NADSYN1: variants seen among roughly 807,000 people sequenced by gnomAD.
NADSYN1 encodes NAD synthetase 1.
A neutral mutation model predicts 99.3 loss-of-function variants in NADSYN1; 80 were observed. The ratio of observed to expected loss-of-function variants is 0.81; its 90% CI spans 0.67 to 0.97. The LOEUF (loss-of-function observed/expected upper bound fraction) is 0.97, where lower values mean the gene tolerates loss of function less well. Ranked by LOEUF, NADSYN1 falls within the 50% of genes least tolerant of loss-of-function variation. The probability of loss-of-function intolerance (pLI) is 0.00; values close to 1 mark genes in which losing one functional copy is unlikely to be tolerated. For missense variants in NADSYN1, 859 were observed against 948.5 expected (o/e 0.91, Z 1.24); for synonymous variants, 385 against 372.1 (o/e 1.03, Z -0.40).
At position 71,484,193 on chromosome 11, in the gene NADSYN1, C is replaced by T; in HGVS notation, c.1320-119C>T. On this transcript the variant is annotated intron_variant, in intron 14 of 20. Coordinates refer to ENST00000319023, the MANE Select transcript of NADSYN1 (RefSeq NM_018161.5). ...CTGTGGATTGCTAAACACCACAAAT[C>T]ATACGCTTTAAATGGGTTACAATGG... 3 of 1,425,872 alleles carry T rather than the reference C, an allele frequency of 2.1e-6. 1 individual carries two copies. The highest frequency in any genetic ancestry group is 4.1e-5 in the Admixed American group (2 of 49,066). The allele number at this position is 1,425,872 out of a possible 1,614,324, so 88.3% of individuals were successfully genotyped here.
chr11:71,460,448 T>A (rs1949543741), intron 3 of NADSYN1, among the ~76,000 whole-genome samples: 1 of 152,238 alleles, frequency 6.6e-6, no homozygotes, highest in Non-Finnish European at 1.5e-5. Flanking sequence ...CCTCCTGGGC[T>A]TGAGTGATCC....
chr11:71,489,151 C>T (rs1360233023), intron 16 of NADSYN1, among the ~76,000 whole-genome samples: 2 of 151,898 alleles, frequency 1.3e-5, no homozygotes, highest in African/African-American at 2.4e-5. Context: ...TGAAGTTAGG[C>T]TTCTAACAAC....
chr11:71,486,393 G>A (rs1181842498), intron 16 of NADSYN1, among the ~76,000 whole-genome samples: 2 of 151,210 alleles, frequency 1.3e-5, no homozygotes, highest in Admixed American at 6.6e-5. Flanking sequence ...TCACCTGTCC[G>A]TTCATCCACC....
At chr11:71,464,827 C>A (rs1434809606) in intron 5 of NADSYN1, among the ~76,000 whole-genome samples, 2 of 145,996 alleles carry the variant, frequency 1.4e-5, no homozygotes, top group Non-Finnish European at 3.0e-5. Flanking sequence ...GAGATTGCGC[C>A]ACTGCACTCC....
rs775959507 is a variant in NADSYN1 at position 71,474,524 on chromosome 11, G to A, written c.796G>A (p.Val266Met). Reference protein sequence around the residue: ...AQGSQFSLDDVEVLTATLDLE... With the variant: ...AQGSQFSLDDMEVLTATLDLE... ...AGGATCCCAGTTTTCTCTGGATGAC[G>A]TGGTAATGAGCGGGCCTGGACATGC... The change falls in exon 9 of 21, where the codon GTG becomes ATG. Residue 266 changes from valine to methionine, a missense_variant and splice_region_variant. By Grantham distance (21) the Val-to-Met change is conservative. Coordinates refer to ENST00000319023, the MANE Select transcript of NADSYN1 (RefSeq NM_018161.5). 13 of 1,614,118 alleles carry A rather than the reference G, an allele frequency of 8.1e-6. No individual in the cohort carries two copies. The highest frequency in any genetic ancestry group is 3.3e-5 in the Admixed American group (2 of 60,034).
intron 2 of NADSYN1, among the ~76,000 whole-genome samples, chr11:71,458,064 A>G (rs1302563312): frequency 6.6e-6 from 1 of 152,170 alleles, no homozygotes; most frequent in Non-Finnish European, 1.5e-5. Flanking sequence ...TTGCCAAAGA[A>G]TGGATTTCTG....
chr11:71,481,362 ACCTGC>A lies in NADSYN1; in HGVS notation c.1007_1011del (p.Pro336LeufsTer48). Reference sequence around the variant, plus strand: ...TGTTCTGATTGCCCTGCAGCCTTGGACCTGCCTGCTGGCTCTGGGATTTTTTAAGA... The same window carrying A: ...TGTTCTGATTGCCCTGCAGCCTTGGACTGCTGGCTCTGGGATTTTTTAAGA... On this transcript the variant is annotated frameshift_variant, in exon 12 of 21. Coordinates refer to ENST00000319023, the MANE Select transcript of NADSYN1 (RefSeq NM_018161.5). LOFTEE classifies it high-confidence loss of function. The A allele has an allele frequency of 6.2e-7, 1 of 1,613,838 alleles. No individual in the cohort carries two copies. Among genetic ancestry groups the A allele is most frequent in the East Asian group, 2.2e-5 (1 of 44,838 alleles).
In NADSYN1 at chr11:71,453,205, CCCGGAAGGTCCGGCGTCCCAGCCG is replaced by C; in HGVS notation, c.-89_-66del. 1 of 1,141,784 alleles carries C rather than the reference CCCGGAAGGTCCGGCGTCCCAGCCG, an allele frequency of 8.8e-7. No individual in the cohort carries two copies. Among genetic ancestry groups the C allele is most frequent in the Non-Finnish European group, 1.3e-6 (1 of 785,938 alleles). 70.7% of individuals were successfully genotyped at this position (1,141,784 alleles called of 1,614,324 possible). On this transcript the variant is annotated 5_prime_UTR_variant, in exon 1 of 21. Coordinates refer to ENST00000319023, the MANE Select transcript of NADSYN1 (RefSeq NM_018161.5). The stretch of plus-strand genomic sequence containing the variant: ...GCGGGGAGGGGGCGGGGCCGGGCAA[CCCGGAAGGTCCGGCGTCCCAGCCG>C]CCTACCTCGCTGGGACCCTGGTCTT...
chr11:71,477,092 G>A, intron 9 of NADSYN1: 1 of 1,120,804 alleles, frequency 8.9e-7, no homozygotes. Context: ...TCATTTCAGA[G>A]TCACCCCTTC....
At chr11:71,499,084 A>G (rs1198340850) in intron 20 of NADSYN1, 1 of 153,334 alleles carries the variant, frequency 6.5e-6, no homozygotes, top group Non-Finnish European at 1.5e-5. Context: ...TAAGATGTTC[A>G]TGTAGGTTCA....
At chr11:71,453,424 G>A in intron 1 of NADSYN1, 43 bp downstream of exon 1, 1 of 1,561,644 alleles carries the variant, frequency 6.4e-7, no homozygotes, top group Non-Finnish European at 8.8e-7. Context: ...GGTGGCGCAC[G>A]GGCACCGTGG....
chr11:71,460,683 A>G (rs1237847690), intron 3 of NADSYN1: 2 of 131,326 alleles, frequency 1.5e-5, no homozygotes, highest in Non-Finnish European at 3.7e-5. Flanking sequence ...TAAATTTGTA[A>G]CCATCATATT....
At chr11:71,459,249 G>A (rs1949533452) in intron 3 of NADSYN1, among the ~76,000 whole-genome samples, 1 of 146,070 alleles carries the variant, frequency 6.8e-6, no homozygotes, top group African/African-American at 2.6e-5. Context: ...GGAGGCCTCT[G>A]CATGAGCTGT....
intron 1 of NADSYN1, among the ~76,000 whole-genome samples, chr11:71,454,233 A>C (rs1453549096): frequency 2.0e-5 from 3 of 152,164 alleles, no homozygotes; most frequent in Non-Finnish European, 4.4e-5. Flanking sequence ...ATTATTTGAC[A>C]TGGACTGTCA....
chr11:71,492,486 T>C (rs932768975), intron 18 of NADSYN1, among the ~76,000 whole-genome samples: 1 of 152,214 alleles, frequency 6.6e-6, no homozygotes, highest in Non-Finnish European at 1.5e-5. Context: ...TTCCTTTGCA[T>C]GGGAATATCC....
At chr11:71,482,283 G>A (rs1949713407) in intron 13 of NADSYN1, among the ~76,000 whole-genome samples, 1 of 152,240 alleles carries the variant, frequency 6.6e-6, no homozygotes, top group Admixed American at 6.5e-5. Context: ...TGTGCACGGT[G>A]TGGCCTGGTG....
At chr11:71,478,075 G>A (rs960089124) in intron 9 of NADSYN1, among the ~76,000 whole-genome samples, 7 of 151,922 alleles carry the variant, frequency 4.6e-5, no homozygotes, top group Non-Finnish European at 1.0e-4. Flanking sequence ...ACATGGGGGT[G>A]TCTTACTGAC....
intron 3 of NADSYN1, among the ~76,000 whole-genome samples, chr11:71,462,016 T>C (rs1234998560): frequency 6.6e-6 from 1 of 152,208 alleles, no homozygotes; most frequent in Non-Finnish European, 1.5e-5. Context: ...ATCCCCATTT[T>C]TGGGAGGAAG....
intron 2 of NADSYN1, among the ~76,000 whole-genome samples, chr11:71,457,119 G>A (rs1949519475): frequency 6.6e-6 from 1 of 152,276 alleles, no homozygotes; most frequent in African/African-American, 2.4e-5. Flanking sequence ...CATGCAGCGG[G>A]ACGTGTGGTG....
Sources: allele counts gnomAD v4.1 joint callset (sites outside exome capture counted in the v4.1 genomes callset), GRCh38; gene constraint gnomAD v4.1.1; transcripts MANE v1.5; gene names NCBI Gene and HGNC (gene_info 2026-07-23, HGNC 2026-07-21).